IPMK: variants seen among roughly 807,000 people sequenced by gnomAD.
IPMK encodes inositol polyphosphate multikinase.
In IPMK, 17 loss-of-function variants were observed where a neutral mutation model predicts 45.8. That is an observed-to-expected ratio of 0.37 (90% CI 0.25 to 0.56). The LOEUF is 0.56. Ranked by LOEUF, IPMK falls within the 20% of genes least tolerant of loss-of-function variation. The probability of loss-of-function intolerance (pLI) is 0.79; values close to 1 mark genes in which losing one functional copy is unlikely to be tolerated. For synonymous variants in IPMK, 180 were observed against 184.3 expected, an observed-to-expected ratio of 0.98 and a Z score of 0.19; for missense variants, 399 against 498.0, an observed-to-expected ratio of 0.80 and a Z score of 1.89.
chr10:58,256,972 G>C (rs1243607747), intron 1 of IPMK, among the ~76,000 whole-genome samples: 2 of 152,142 alleles, frequency 1.3e-5, no homozygotes, highest in African/African-American at 4.8e-5. Flanking sequence ...GGCTGAGATG[G>C]GAGGATCACT....
At position 58,199,326 on chromosome 10, in the gene IPMK, CA is replaced by C; in HGVS notation, c.547-6del. The C allele has an allele frequency of 3.8e-6, 6 of 1,585,826 alleles. No individual in the cohort carries two copies. Among genetic ancestry groups the C allele is most frequent in the Admixed American group, 3.5e-5 (2 of 56,816 alleles). ...ATCGGAATGAACATGATAAACCTGT[CA>C]AAAAAAGCAGTGAATATTAAAAAGC... On this transcript the variant is annotated splice_region_variant and splice_polypyrimidine_tract_variant and intron_variant, in intron 4 of 5. Coordinates refer to ENST00000373935, the MANE Select transcript of IPMK (RefSeq NM_152230.5).
Position 58,191,916 on chromosome 10 carries a change from T to C in IPMK, c.*4160A>G, listed in dbSNP as rs1467125445. 1 of 152,130 alleles carries C rather than the reference T, an allele frequency of 6.6e-6. No individual in the cohort carries two copies. The highest frequency in any genetic ancestry group is 1.5e-5 in the Non-Finnish European group (1 of 67,948). The allele number at this position is 152,130 out of a possible 1,614,324, so 9.4% of individuals were successfully genotyped here. A position where few individuals can be genotyped will look rare whatever the true frequency, so the allele number is the denominator to read the frequency against. On this transcript the variant is annotated 3_prime_UTR_variant, in exon 6 of 6. Coordinates refer to ENST00000373935, the MANE Select transcript of IPMK (RefSeq NM_152230.5). Reference sequence around the variant, plus strand: ...TTTTCATTTATATGCAGGTGCATCATACATCATACTTAAAACTATTTCACT... The same window carrying C: ...TTTTCATTTATATGCAGGTGCATCACACATCATACTTAAAACTATTTCACT...
chr10:58,267,319 A>AG (rs1311774222), intron 1 of IPMK, 103 bp downstream of exon 1: 7 of 1,146,942 alleles, frequency 6.1e-6, no homozygotes, highest in East Asian at 2.4e-5. Flanking sequence ...CGTGCACACC[A>AG]GGGGGGCGTC....
intron 1 of IPMK, among the ~76,000 whole-genome samples, chr10:58,242,673 G>A (rs1588967123): frequency 6.6e-6 from 1 of 150,852 alleles, no homozygotes; most frequent in Non-Finnish European, 1.5e-5. Flanking sequence ...GAAACACAAA[G>A]GGAGAAAAAA....
At chr10:58,208,475 CTTGA>C (rs2132147648) in intron 4 of IPMK, among the ~76,000 whole-genome samples, 1 of 151,830 alleles carries the variant, frequency 6.6e-6, no homozygotes, top group Admixed American at 6.5e-5. Flanking sequence ...TCAAATTGTT[CTTGA>C]ATATATTTTT....
intron 2 of IPMK, among the ~76,000 whole-genome samples, chr10:58,235,703 C>G (rs936085624): frequency 6.6e-6 from 1 of 152,054 alleles, no homozygotes; most frequent in Non-Finnish European, 1.5e-5. Context: ...TGAGAAATAC[C>G]TAATGTAAAT....
chr10:58,240,465 G>A (rs1838680270), intron 1 of IPMK, among the ~76,000 whole-genome samples: 1 of 151,910 alleles, frequency 6.6e-6, no homozygotes. Flanking sequence ...AAAGAGAAAA[G>A]AGAATGGGCC....
intron 1 of IPMK, among the ~76,000 whole-genome samples, chr10:58,241,042 C>T (rs1055264829): frequency 2.6e-5 from 4 of 151,986 alleles, no homozygotes; most frequent in African/African-American, 7.3e-5. Context: ...TTGTGGATGG[C>T]AGAAGAATAA....
At chr10:58,224,811 CA>C (rs1234200914) in intron 3 of IPMK, among the ~76,000 whole-genome samples, 2 of 152,160 alleles carry the variant, frequency 1.3e-5, no homozygotes, top group Non-Finnish European at 2.9e-5. Flanking sequence ...ACATAAAACA[CA>C]GTAACGCAAA....
chr10:58,255,429 G>C (rs1012383635), intron 1 of IPMK, among the ~76,000 whole-genome samples: 5 of 152,146 alleles, frequency 3.3e-5, no homozygotes, highest in African/African-American at 9.7e-5. Flanking sequence ...TTTGGGGGAG[G>C]GGGTGACACA....
intron 1 of IPMK, among the ~76,000 whole-genome samples, chr10:58,249,233 G>A (rs1281571863): frequency 6.6e-6 from 1 of 152,118 alleles, no homozygotes; most frequent in Non-Finnish European, 1.5e-5. Flanking sequence ...TGTTGTTGTT[G>A]TTTTTGAGAT....
intron 1 of IPMK, among the ~76,000 whole-genome samples, chr10:58,259,119 C>A (rs1354420634): frequency 6.6e-6 from 1 of 152,026 alleles, no homozygotes; most frequent in Non-Finnish European, 1.5e-5. Context: ...ATTTCTTAGT[C>A]CAGTCTGTGA....
chr10:58,204,300 AT>A (rs933206726), intron 4 of IPMK, among the ~76,000 whole-genome samples: 11 of 151,466 alleles, frequency 7.3e-5, no homozygotes, highest in Admixed American at 3.3e-4. Flanking sequence ...AAAGTATCCA[AT>A]TTTTTTTTAA....
At chr10:58,196,951 G>A (rs1041655656) in intron 5 of IPMK, among the ~76,000 whole-genome samples, 3 of 152,120 alleles carry the variant, frequency 2.0e-5, no homozygotes, top group Non-Finnish European at 4.4e-5. Context: ...TTAGACAAAA[G>A]GAAATTTATT....
intron 2 of IPMK, among the ~76,000 whole-genome samples, chr10:58,234,143 C>G (rs1838571575): frequency 6.6e-6 from 1 of 152,158 alleles, no homozygotes; most frequent in Non-Finnish European, 1.5e-5. Context: ...GAACTACAAA[C>G]CACCGCTCAA....
At chr10:58,202,256 A>G (rs1838008731) in intron 4 of IPMK, among the ~76,000 whole-genome samples, 1 of 152,144 alleles carries the variant, frequency 6.6e-6, no homozygotes, top group East Asian at 1.9e-4. Context: ...ATAGCTAGAG[A>G]TAAGAAGTCA....
chr10:58,241,938 C>T (rs990810795), intron 1 of IPMK, among the ~76,000 whole-genome samples: 2 of 151,626 alleles, frequency 1.3e-5, no homozygotes, highest in Non-Finnish European at 2.9e-5. Flanking sequence ...ATCTCAACTC[C>T]TCATTAGATT....
At chr10:58,213,630 T>C (rs1838199961) in intron 4 of IPMK, among the ~76,000 whole-genome samples, 1 of 148,432 alleles carries the variant, frequency 6.7e-6, no homozygotes, top group Non-Finnish European at 1.5e-5. Context: ...GAGCTTGCAG[T>C]GAGCAGAGAT....
chr10:58,239,796 G>C (rs1346398459), intron 1 of IPMK, among the ~76,000 whole-genome samples: 1 of 152,078 alleles, frequency 6.6e-6, no homozygotes, highest in Non-Finnish European at 1.5e-5. Context: ...CTCAAAAACT[G>C]TCAAGATAAA....
Sources: gnomAD v4.1 joint callset for allele counts (sites outside exome capture counted in the v4.1 genomes callset) on GRCh38, gnomAD v4.1.1 for gene constraint, MANE v1.5 for transcripts, NCBI Gene and HGNC (gene_info 2026-07-23, HGNC 2026-07-21) for gene names.